Variants in SNTG1 observed in about 807,000 individuals in gnomAD.
SNTG1 encodes the protein gamma-1-syntrophin.
In SNTG1, 39 loss-of-function variants were observed where a neutral mutation model predicts 74.7. That is an observed-to-expected ratio of 0.52 (90% CI 0.40 to 0.68). The LOEUF (loss-of-function observed/expected upper bound fraction) is 0.68, where lower values mean the gene tolerates loss of function less well. Among genes scored for constraint, SNTG1 ranks in the 30% least tolerant of loss-of-function variants. SNTG1 has a pLI of 0.00. For synonymous variants in SNTG1, 254 were observed against 217.1 expected (o/e 1.17, Z -1.49); for missense variants, 685 against 609.5 (o/e 1.12, Z -1.30).
chr8:50,539,561 G>A (rs542974338), intron 11 of SNTG1, among the ~76,000 whole-genome samples: 2 of 152,282 alleles, frequency 1.3e-5, no homozygotes, highest in South Asian at 4.1e-4. Flanking sequence ...ATTCCACTGC[G>A]GTGATGATGG....
chr8:50,260,344 G>A (rs1458269899), intron 2 of SNTG1, among the ~76,000 whole-genome samples: 1 of 152,126 alleles, frequency 6.6e-6, no homozygotes, highest in Non-Finnish European at 1.5e-5. Flanking sequence ...CAAAGCAGAG[G>A]AGACTGAAAA....
intron 2 of SNTG1, among the ~76,000 whole-genome samples, chr8:50,347,779 C>T (rs563776331): frequency 2.0e-5 from 3 of 152,084 alleles, no homozygotes; most frequent in Non-Finnish European, 2.9e-5. Flanking sequence ...GAAAGTATGA[C>T]GTTATGAGTC....
chr8:49,928,240 T>G (rs1178464269), intron 1 of SNTG1, among the ~76,000 whole-genome samples: 1 of 151,782 alleles, frequency 6.6e-6, no homozygotes, highest in Admixed American at 6.6e-5. Flanking sequence ...TTGTTTCTTT[T>G]TTTTTGAGAC....
chr8:50,013,464 GAGATAGATAGAT>G (rs56718258), intron 1 of SNTG1, among the ~76,000 whole-genome samples: 1,492 of 148,518 alleles, frequency 0.01, 24 homozygotes, highest in African/African-American at 0.034. Context: ...TGGGGATAGA[GAGATAGATAGAT>G]AGATAGATAG....
intron 2 of SNTG1, among the ~76,000 whole-genome samples, chr8:50,311,153 A>G (rs2090095387): frequency 6.6e-6 from 1 of 152,168 alleles, no homozygotes; most frequent in Non-Finnish European, 1.5e-5. Flanking sequence ...TATTTCTTTC[A>G]TTTTATACTT....
At chr8:50,286,530 T>C (rs564440290) in intron 2 of SNTG1, 21 of 152,318 alleles carry the variant, frequency 1.4e-4, no homozygotes, top group African/African-American at 4.8e-4. Flanking sequence ...TCTTGATATT[T>C]GTATTAGGAG....
chr8:50,729,129 C>T, intron 17 of SNTG1, among the ~76,000 whole-genome samples: 1 of 152,150 alleles, frequency 6.6e-6, no homozygotes, highest in South Asian at 2.1e-4. Context: ...GGTGCAGGTC[C>T]TAGGCTGGTG....
At chr8:50,115,420 G>T (rs1266872587) in intron 1 of SNTG1, among the ~76,000 whole-genome samples, 1 of 151,734 alleles carries the variant, frequency 6.6e-6, no homozygotes. Context: ...ACAAAAATTA[G>T]CCGAGCATCA....
At chr8:50,655,595 A>T (rs2095175110) in intron 13 of SNTG1, among the ~76,000 whole-genome samples, 1 of 152,200 alleles carries the variant, frequency 6.6e-6, no homozygotes, top group Admixed American at 6.5e-5. Flanking sequence ...TTGTTAATTC[A>T]GGGACTTTAT....
intron 1 of SNTG1, among the ~76,000 whole-genome samples, chr8:50,109,251 T>C (rs2080492012): frequency 6.6e-6 from 1 of 152,204 alleles, no homozygotes; most frequent in Non-Finnish European, 1.5e-5. Context: ...GACTCTCTTG[T>C]CCACTGACAT....
At chr8:50,100,801 G>A (rs2080093394) in intron 1 of SNTG1, among the ~76,000 whole-genome samples, 1 of 151,706 alleles carries the variant, frequency 6.6e-6, no homozygotes, top group African/African-American at 2.4e-5. Context: ...ATTATTTTAG[G>A]TTCAGGGATC....
chr8:50,734,785 CTATATATATGGA>C, intron 17 of SNTG1, among the ~76,000 whole-genome samples: 1 of 94,930 alleles, frequency 1.1e-5, no homozygotes, highest in African/African-American at 5.2e-5. Flanking sequence ...ATATAGATAT[CTATATATATGGA>C]CATATATATA....
At chr8:50,070,667 C>T (rs1208970154) in intron 1 of SNTG1, among the ~76,000 whole-genome samples, 1 of 152,176 alleles carries the variant, frequency 6.6e-6, no homozygotes, top group Admixed American at 6.5e-5. Flanking sequence ...TTCCATTCTG[C>T]AAAGCAAAAT....
At chr8:50,611,021 A>C (rs1041189140) in intron 13 of SNTG1, among the ~76,000 whole-genome samples, 2 of 152,226 alleles carry the variant, frequency 1.3e-5, no homozygotes, top group African/African-American at 4.8e-5. Context: ...AAATTAAGGA[A>C]CTGTTTAAAA....
At chr8:50,041,293 G>C (rs1309175201) in intron 1 of SNTG1, among the ~76,000 whole-genome samples, 1 of 152,162 alleles carries the variant, frequency 6.6e-6, no homozygotes, top group Non-Finnish European at 1.5e-5. Flanking sequence ...ATTGCTGTTG[G>C]AGATGAATGG....
chr8:50,138,316 C>A (rs971956375), intron 1 of SNTG1, among the ~76,000 whole-genome samples: 1 of 151,868 alleles, frequency 6.6e-6, no homozygotes, highest in African/African-American at 2.4e-5. Context: ...AATATACCAA[C>A]CTTAATAATA....
At chr8:50,728,174 G>C (rs1325273798) in intron 17 of SNTG1, among the ~76,000 whole-genome samples, 1 of 152,126 alleles carries the variant, frequency 6.6e-6, no homozygotes, top group Non-Finnish European at 1.5e-5. Context: ...AGTGATTCCA[G>C]GTCTATTCCA....
intron 1 of SNTG1, among the ~76,000 whole-genome samples, chr8:50,085,896 C>T (rs1822838625): frequency 6.6e-6 from 1 of 152,188 alleles, no homozygotes; most frequent in African/African-American, 2.4e-5. Flanking sequence ...ATCTCTGACA[C>T]TGGGGCCTTG....
chr8:50,365,554 A>G (rs925591849), intron 2 of SNTG1, among the ~76,000 whole-genome samples: 13 of 152,146 alleles, frequency 8.5e-5, no homozygotes, highest in African/African-American at 2.9e-4. Context: ...AAAGAATTGT[A>G]TAAAATCAAA....
Sources: allele counts gnomAD v4.1 joint callset (sites outside exome capture counted in the v4.1 genomes callset), GRCh38; gene constraint gnomAD v4.1.1; transcripts MANE v1.5; gene names NCBI Gene and HGNC (gene_info 2026-07-23, HGNC 2026-07-21).